IQCB1: variants seen among roughly 807,000 people sequenced by gnomAD.
IQCB1 encodes the protein IQ calmodulin-binding motif-containing protein 1.
IQCB1 carries 56 observed loss-of-function variants against 84.4 expected under a neutral mutation model. The ratio of observed to expected loss-of-function variants is 0.66; its 90% CI spans 0.54 to 0.83. The LOEUF (loss-of-function observed/expected upper bound fraction) is 0.83. IQCB1 is among the 40% of genes least tolerant of loss of function. The pLI, the probability that IQCB1 is intolerant of heterozygous loss-of-function variation, is 0.00. For missense variants in IQCB1, 629 were observed against 682.1 expected, an observed-to-expected ratio of 0.92 and a Z score of 0.87; for synonymous variants, 210 against 234.8, an observed-to-expected ratio of 0.89 and a Z score of 0.96.
At chr3:121,789,998 C>T (rs1020807084) in intron 11 of IQCB1, 75 bp downstream of exon 11, 77 of 1,287,024 alleles carry the variant, frequency 6.0e-5, no homozygotes, top group Non-Finnish European at 8.1e-5. Flanking sequence ...AAAATCATCA[C>T]GTAGCTAGAA....
chr3:121,776,398 GATGT>G (rs1948229041), intron 13 of IQCB1, among the ~76,000 whole-genome samples: 1 of 152,150 alleles, frequency 6.6e-6, no homozygotes, highest in Non-Finnish European at 1.5e-5. Flanking sequence ...TCATATGATA[GATGT>G]ATGTTTAATT....
chr3:121,784,153 G>C (rs1322257712), intron 12 of IQCB1, among the ~76,000 whole-genome samples: 2 of 145,862 alleles, frequency 1.4e-5, no homozygotes, highest in African/African-American at 5.0e-5. Flanking sequence ...ATGTTTGGCT[G>C]TTTGACCTCC....
At chr3:121,801,459 A>G (rs1949402923) in intron 7 of IQCB1, among the ~76,000 whole-genome samples, 1 of 152,194 alleles carries the variant, frequency 6.6e-6, no homozygotes, top group Admixed American at 6.5e-5. Flanking sequence ...TCCACATACC[A>G]CAGTCTAATC....
intron 10 of IQCB1, among the ~76,000 whole-genome samples, chr3:121,793,490 GA>G (rs1211039366): frequency 6.6e-6 from 1 of 151,546 alleles, no homozygotes; most frequent in South Asian, 2.1e-4. Context: ...AATAACCTTT[GA>G]AAAAAAACCA....
intron 7 of IQCB1, among the ~76,000 whole-genome samples, chr3:121,799,655 AG>A (rs1949332009): frequency 6.6e-6 from 1 of 151,904 alleles, no homozygotes; most frequent in Admixed American, 6.6e-5. Flanking sequence ...AATCAAATCA[AG>A]GATGAAATAT....
intron 7 of IQCB1, among the ~76,000 whole-genome samples, chr3:121,806,864 T>C (rs1231109949): frequency 2.6e-5 from 4 of 152,202 alleles, no homozygotes; most frequent in Admixed American, 2.0e-4. Flanking sequence ...ATTATTTCAA[T>C]TGTGTATACT....
At chr3:121,806,086 T>C (rs1377281102) in intron 7 of IQCB1, among the ~76,000 whole-genome samples, 1 of 152,138 alleles carries the variant, frequency 6.6e-6, no homozygotes. Context: ...AAAAATTATG[T>C]GTCATGTTTT....
rs760377282 is a variant in IQCB1 at position 121,788,281 on chromosome 3, C to T, written c.1278+3G>A. 54 of 1,613,684 alleles carry T rather than the reference C, an allele frequency of 3.3e-5. No individual in the cohort carries two copies. The highest frequency in any genetic ancestry group is 4.2e-5 in the Non-Finnish European group (50 of 1,179,834). On this transcript the variant is annotated splice_donor_region_variant and intron_variant, in intron 12 of 14. Transcript: ENST00000310864. ...AGAGCTCTTTTCACTACATTAGACTCACTGCTCTTTGAAGTGTGACAGCTG... is the reference window on the plus strand; with the variant it reads ...AGAGCTCTTTTCACTACATTAGACTTACTGCTCTTTGAAGTGTGACAGCTG...
chr3:121,831,858 T>C (rs923250354), intron 2 of IQCB1, among the ~76,000 whole-genome samples: 4 of 152,242 alleles, frequency 2.6e-5, no homozygotes, highest in African/African-American at 7.2e-5. Context: ...TCCCGGCACA[T>C]AGTAGTCACA....
At chr3:121,780,780 C>T (rs1030921758) in intron 13 of IQCB1, among the ~76,000 whole-genome samples, 1 of 152,168 alleles carries the variant, frequency 6.6e-6, no homozygotes, top group Non-Finnish European at 1.5e-5. Context: ...TGATAGGACT[C>T]CCTAAATATC....
rs745953463 is a variant in IQCB1 at position 121,828,931 on chromosome 3, G to T, written c.30C>A (p.Ile10=). The part of the protein sequence containing the change: MKPTGTDPR[I]LSIAAEVAKS... ...TTGCAACTTCAGCAGCTATAGATAA[G>T]ATCCTTGGGTCTGTACCTGTTGGCT... The change falls in exon 3 of 15, where the codon ATC becomes ATA. Residue 10 remains isoleucine, a synonymous_variant. Coordinates refer to ENST00000310864, the MANE Select transcript of IQCB1 (RefSeq NM_001023570.4). The T allele has an allele frequency of 1.9e-6, 3 of 1,611,100 alleles. No individual in the cohort carries two copies. The highest frequency in any genetic ancestry group is 1.7e-6 in the Non-Finnish European group (2 of 1,178,072).
intron 13 of IQCB1, among the ~76,000 whole-genome samples, chr3:121,774,493 T>C (rs1378665934): frequency 6.6e-6 from 1 of 152,266 alleles, no homozygotes. Context: ...ATGGTCACAG[T>C]AGCATTATTC....
At chr3:121,772,121 G>C (rs1302319617) in intron 14 of IQCB1, among the ~76,000 whole-genome samples, 1 of 152,138 alleles carries the variant, frequency 6.6e-6, no homozygotes, top group African/African-American at 2.4e-5. Context: ...GTTGCAGTGA[G>C]CCAAGATCAC....
At chr3:121,797,967 A>T (rs974625978) in intron 8 of IQCB1, among the ~76,000 whole-genome samples, 17 of 151,972 alleles carry the variant, frequency 1.1e-4, no homozygotes, top group Non-Finnish European at 1.5e-5. Context: ...ACTCTCTTCA[A>T]CACCCAAGTT....
chr3:121,772,535 C>T (rs745391975), intron 14 of IQCB1, 22 bp downstream of exon 14: 15 of 1,613,666 alleles, frequency 9.3e-6, no homozygotes, highest in Middle Eastern at 1.6e-4. Flanking sequence ...TTTTAGAGAA[C>T]GAAAGTAAAA....
At chr3:121,776,752 T>C (rs917750567) in intron 13 of IQCB1, among the ~76,000 whole-genome samples, 8 of 152,224 alleles carry the variant, frequency 5.3e-5, no homozygotes, top group Non-Finnish European at 2.9e-5. Flanking sequence ...TGATTAATGA[T>C]GCATTTTTCA....
At position 121,788,444 on chromosome 3, in the gene IQCB1, A is replaced by T; in HGVS notation, c.1130-12T>A. 1 of 1,610,732 alleles carries T rather than the reference A, an allele frequency of 6.2e-7. No individual in the cohort carries two copies. The highest frequency in any genetic ancestry group is 2.2e-5 in the East Asian group (1 of 44,834). The stretch of plus-strand genomic sequence containing the variant: ...TTTCTCCACCTGACCTAAAAAGATG[A>T]TAGACACTATTACAACATACTCACT... On this transcript the variant is annotated splice_polypyrimidine_tract_variant and intron_variant, in intron 11 of 14. Coordinates refer to ENST00000310864, the MANE Select transcript of IQCB1 (RefSeq NM_001023570.4).
At chr3:121,789,787 G>A (rs1017962751) in intron 11 of IQCB1, among the ~76,000 whole-genome samples, 1 of 152,174 alleles carries the variant, frequency 6.6e-6, no homozygotes, top group Non-Finnish European at 1.5e-5. Flanking sequence ...GTATCTTTGT[G>A]TCTCTAACAG....
intron 8 of IQCB1, among the ~76,000 whole-genome samples, 176 bp downstream of exon 8, chr3:121,799,020 T>C (rs981852973): frequency 6.6e-6 from 1 of 151,890 alleles, no homozygotes; most frequent in Admixed American, 6.6e-5. Flanking sequence ...TGTAGTGACA[T>C]GAAGATAGCT....
Sources: allele counts gnomAD v4.1 joint callset (sites outside exome capture counted in the v4.1 genomes callset), GRCh38; gene constraint gnomAD v4.1.1; transcripts MANE v1.5; gene names NCBI Gene and HGNC (gene_info 2026-07-23, HGNC 2026-07-21).